CKM: variants seen among roughly 807,000 people sequenced by gnomAD.
CKM encodes the protein creatine kinase M-type.
CKM carries 28 observed loss-of-function variants against 35.4 expected under a neutral mutation model. The observed-to-expected ratio is 0.79, with a 90% confidence interval of 0.59 to 1.08. The LOEUF is 1.08. Ranked by LOEUF, CKM falls within the 50% of genes least tolerant of loss-of-function variation. The pLI is 0.00. For synonymous variants in CKM, 215 were observed against 204.4 expected (o/e 1.05, Z -0.44); for missense variants, 484 against 509.8 (o/e 0.95, Z 0.49).
chr19:45,307,331 A>G, intron 7 of CKM, 130 bp downstream of exon 7: 2 of 788,316 alleles, frequency 2.5e-6, no homozygotes, highest in Non-Finnish European at 4.1e-6. Context: ...AGAGGAAGAA[A>G]TGCAAGCTCA....
rs1434729509 is a variant in CKM, at chr19:45,311,714, G to T, written c.653+35C>A. 3 of 1,536,094 alleles carry T rather than the reference G, an allele frequency of 2.0e-6. No homozygotes were observed. In the Admixed American group the frequency reaches 5.9e-5, roughly 30 times the overall value. ...CGTTGCAGGACTGGAGGAGGCTGGG[G>T]GAAGAGGAAGCCAGGGGGCGGGGAG... On this transcript the variant is annotated intron_variant, in intron 5 of 7. Transcript: ENST00000221476.
Position 45,315,508 on chromosome 19 carries a change from G to A in CKM, c.438C>T (p.Cys146=), listed in dbSNP as rs780048820. ...CCACCGCCCGGCGCTCGCCACGGGA[G>A]CAGTGTGGGGGCAACGTGTAGCCCT... The part of the protein sequence containing the change: ...SIKGYTLPPH[C]SRGERRAVEK... The change falls in exon 4 of 8, where the codon TGC becomes TGT. Residue 146 remains cysteine, a synonymous_variant. Transcript: ENST00000221476. 5 of 1,600,666 alleles carry A rather than the reference G, an allele frequency of 3.1e-6. No individual in the cohort carries two copies. The South Asian group carries it at 3.3e-5, about 11-fold the overall frequency.
chr19:45,321,063 A>ATTTTTTTTTTTTT lies in CKM; in HGVS notation c.-18-1333_-18-1332insAAAAAAAAAAAAA, dbSNP rs35089528. Among the ~76,000 whole-genome samples, 435 of 142,612 alleles carry ATTTTTTTTTTTTT rather than the reference A, an allele frequency of 3.1e-3. 2 individuals carry two copies. The highest frequency in any genetic ancestry group is 8.1e-3 in the African/African-American group (315 of 38,720). 93.6% of individuals were successfully genotyped at this position (142,612 alleles called of 152,430 possible). On this transcript the variant is annotated intron_variant, in intron 1 of 7. Transcript: ENST00000221476. The stretch of plus-strand genomic sequence containing the variant: ...CTACAGGCGTGTGCCACACCTGGCT[A>ATTTTTTTTTTTTT]TTTTTTTTTTTGGTATTTTTAGTAG...
At chr19:45,311,960 A>T (rs1209392811) in intron 4 of CKM, 40 bp from the exon 5 acceptor site, 2 of 1,610,648 alleles carry the variant, frequency 1.2e-6, no homozygotes, top group Admixed American at 3.3e-5. Context: ...AGCCTGTCCC[A>T]CCTCAACCAG....
chr19:45,306,707 C>T lies in CKM; in HGVS notation c.*43G>A, dbSNP rs772305248. On this transcript the variant is annotated 3_prime_UTR_variant, in exon 8 of 8. Coordinates refer to ENST00000221476, the MANE Select transcript of CKM (RefSeq NM_001824.5). The surrounding 1 kb of genome is among the most constrained non-coding windows in gnomAD (Gnocchi z 4.5). ...CAGGACTCTGGTGGGCCAGGCCCTC[C>T]CACTGGCTGGGTTCCAGCAGTCGGT... 1 of 1,609,840 alleles carries T rather than the reference C, an allele frequency of 6.2e-7. No homozygotes were observed. The highest frequency in any genetic ancestry group is 1.3e-5 in the African/African-American group (1 of 74,840).
Position 45,306,646 on chromosome 19 carries a change from A to C in CKM, c.*104T>G. ...AGGGTGGAGAGAGCCCCCAGGTGGGACTCTGGGACAGGGGGCGGGGCGAGG... is the reference window on the plus strand; with the variant it reads ...AGGGTGGAGAGAGCCCCCAGGTGGGCCTCTGGGACAGGGGGCGGGGCGAGG... On this transcript the variant is annotated 3_prime_UTR_variant, in exon 8 of 8. Transcript: ENST00000221476. This position sits in a 1 kb window ranked among gnomAD's most constrained non-coding sequence, Gnocchi z 4.5. 1 of 1,211,654 alleles carries C rather than the reference A, an allele frequency of 8.3e-7. No homozygotes were observed. The highest frequency in any genetic ancestry group is 1.2e-6 in the Non-Finnish European group (1 of 828,682). 75.1% of individuals were successfully genotyped at this position (1,211,654 alleles called of 1,614,324 possible). A position where few individuals can be genotyped will look rare whatever the true frequency, so the allele number is the denominator to read the frequency against.
At chr19:45,308,306 T>C in intron 6 of CKM, 103 bp downstream of exon 6, 1 of 1,337,216 alleles carries the variant, frequency 7.5e-7, no homozygotes, top group South Asian at 1.2e-5. Context: ...CCCTGGAAAA[T>C]GGGTGGGGCA....
chr19:45,313,215 T>A (rs915828150), intron 4 of CKM, among the ~76,000 whole-genome samples: 4 of 152,176 alleles, frequency 2.6e-5, no homozygotes, highest in Admixed American at 2.0e-4. Flanking sequence ...CCACTTCGTG[T>A]CTCTGTGTCA....
chr19:45,310,183 C>A (rs1301567789), intron 5 of CKM, among the ~76,000 whole-genome samples: 1 of 121,132 alleles, frequency 8.3e-6, no homozygotes, highest in Non-Finnish European at 1.6e-5. Context: ...TGCAGTGATG[C>A]GATCTTGGCT....
intron 2 of CKM, among the ~76,000 whole-genome samples, chr19:45,318,412 GA>G (rs576014859): frequency 2.8e-3 from 383 of 135,270 alleles, no homozygotes; most frequent in African/African-American, 5.0e-3. Context: ...GTCTCCAAAG[GA>G]AAAAAAAAAA....
At chr19:45,318,472 A>AGGTCAAGGTGGCTGGGAGG (rs1049625314) in intron 2 of CKM, among the ~76,000 whole-genome samples, 5 of 150,516 alleles carry the variant, frequency 3.3e-5, no homozygotes, top group African/African-American at 4.9e-5. Flanking sequence ...AGGCTGGGAG[A>AGGTCAAGGTGGCTGGGAGG]GGTCAAGGTG....
At position 45,319,548 on chromosome 19, in the gene CKM, C is replaced by T; in HGVS notation, c.166G>A (p.Val56Ile). The T allele has an allele frequency of 1.2e-6, 2 of 1,614,102 alleles. No homozygotes were observed. The highest frequency in any genetic ancestry group is 1.7e-6 in the Non-Finnish European group (2 of 1,180,014). ...ETPSGFTVDD[V>I]IQTGVDNPGH... is the part of the protein sequence containing the mutation. ...GGGTTGTCCACTCCTGTCTGGATGA[C>T]ATCGTCTACAGTGAAGCCAGATGGA... Residue 56 changes from valine (V) to isoleucine (I), a missense_variant, in exon 2 of 8, where the codon GTC (valine) becomes ATC (isoleucine). Transcript: ENST00000221476.
intron 3 of CKM, 120 bp from the exon 4 acceptor site, chr19:45,315,717 CTGAT>C: frequency 7.4e-7 from 1 of 1,356,434 alleles, no homozygotes; most frequent in Non-Finnish European, 1.0e-6. Context: ...TGCATCCTCA[CTGAT>C]TGGGTGTGTG....
chr19:45,317,567 G>A (rs1032453407), intron 3 of CKM, among the ~76,000 whole-genome samples: 19 of 151,324 alleles, frequency 1.3e-4, no homozygotes, highest in African/African-American at 4.4e-4. Flanking sequence ...GATTACAGGC[G>A]TGAGCCACCG....
At chr19:45,313,783 T>A (rs1221928591) in intron 4 of CKM, among the ~76,000 whole-genome samples, 1 of 152,090 alleles carries the variant, frequency 6.6e-6, no homozygotes, top group African/African-American at 2.4e-5. Context: ...GAGGTGGAGG[T>A]AACAGTAAGC....
intron 1 of CKM, among the ~76,000 whole-genome samples, chr19:45,322,532 G>T (rs147848771): frequency 6.6e-6 from 1 of 152,144 alleles, no homozygotes; most frequent in African/African-American, 2.4e-5. Flanking sequence ...CCTTGCAGGG[G>T]GTGACAGTTG....
chr19:45,321,146 C>T (rs575378157), intron 1 of CKM, among the ~76,000 whole-genome samples: 6 of 151,856 alleles, frequency 4.0e-5, no homozygotes, highest in Non-Finnish European at 8.8e-5. Context: ...TCAAGTGATC[C>T]GCCCACCTCT....
rs777670976 is a variant in CKM, at chr19:45,320,481, CCTCT to C, written c.-18-754_-18-751del. On this transcript the variant is annotated intron_variant, in intron 1 of 7. Coordinates refer to ENST00000221476, the MANE Select transcript of CKM (RefSeq NM_001824.5). ...CTGTGTAACTTGGAGCAAGAGAAAT[CCTCT>C]CTCTGAGCCCCTGTGTCTCAGCAGG... Among the ~76,000 whole-genome samples, 9 of 152,328 alleles carry C rather than the reference CCTCT, an allele frequency of 5.9e-5. No homozygotes were observed. The East Asian group carries it at 1.3e-3, about 23-fold the overall frequency.
intron 5 of CKM, 23 bp downstream of exon 5, chr19:45,311,726 C>T: frequency 6.5e-7 from 1 of 1,548,520 alleles, no homozygotes; most frequent in South Asian, 1.2e-5. Flanking sequence ...AAGAGGAAGC[C>T]AGGGGGCGGG....
Sources: gnomAD v4.1 joint callset for allele counts (sites outside exome capture counted in the v4.1 genomes callset) on GRCh38, gnomAD v4.1.1 for gene constraint, Gnocchi (gnomAD v3.1) non-coding constraint, MANE v1.5 for transcripts, NCBI Gene and HGNC (gene_info 2026-07-23, HGNC 2026-07-21) for gene names.